Variants in RYR3 observed in about 807,000 individuals in gnomAD.
RYR3 encodes ryanodine receptor 3, also known as brain ryanodine receptor-calcium release channel.
A neutral mutation model predicts 584.3 loss-of-function variants in RYR3; 207 were observed. The ratio of observed to expected loss-of-function variants is 0.35; its 90% CI spans 0.32 to 0.40. RYR3 has a LOEUF of 0.40. Ranked by LOEUF, RYR3 falls within the 10% of genes least tolerant of loss-of-function variation. RYR3 has a pLI of 1.00. For missense variants in RYR3, 5,616 were observed against 6,089.2 expected (o/e 0.92, Z 2.59); for synonymous variants, 2,416 against 2,248.5 (o/e 1.07, Z -2.11).
At chr15:33,754,658 TTTCTGGACCAG>T (rs1346768649) in intron 57 of RYR3, among the ~76,000 whole-genome samples, 1 of 152,232 alleles carries the variant, frequency 6.6e-6, no homozygotes, top group African/African-American at 2.4e-5. Context: ...GTGGCCGGCC[TTTCTGGACCAG>T]TTCTGGACCA....
chr15:33,453,109 A>G (rs1049535984), intron 1 of RYR3, among the ~76,000 whole-genome samples: 16 of 152,342 alleles, frequency 1.1e-4, no homozygotes, highest in Non-Finnish European at 2.2e-4. Context: ...CCAAAGCTTC[A>G]AAATGGAATA....
At chr15:33,751,717 A>C (rs536417573) in intron 57 of RYR3, among the ~76,000 whole-genome samples, 32 of 152,244 alleles carry the variant, frequency 2.1e-4, no homozygotes, top group Admixed American at 8.5e-4. Flanking sequence ...TTTGCTATGC[A>C]GAAGCTCTTT....
intron 64 of RYR3, among the ~76,000 whole-genome samples, chr15:33,775,409 C>T (rs900126729): frequency 5.9e-5 from 9 of 152,140 alleles, no homozygotes; most frequent in African/African-American, 2.2e-4. Flanking sequence ...AGCTTCGCAT[C>T]TGAGAACCTG....
At chr15:33,704,251 G>A (rs2066515281) in intron 42 of RYR3, among the ~76,000 whole-genome samples, 1 of 149,038 alleles carries the variant, frequency 6.7e-6, no homozygotes, top group Non-Finnish European at 1.5e-5. Context: ...TCCAGCCTGG[G>A]AGCCTGGGTG....
intron 38 of RYR3, among the ~76,000 whole-genome samples, chr15:33,684,440 T>C (rs1313890512): frequency 6.9e-6 from 1 of 144,206 alleles, no homozygotes; most frequent in East Asian, 2.1e-4. Context: ...CAGAAAAGAA[T>C]AGCATCAACA....
chr15:33,425,852 C>G lies in RYR3; in HGVS notation c.52-47567C>G, dbSNP rs1025921520. Among the ~76,000 whole-genome samples, 12 of 152,118 alleles carry G rather than the reference C, an allele frequency of 7.9e-5. No homozygotes were observed. In the East Asian group the frequency reaches 9.7e-4, roughly 12 times the overall value. On this transcript the variant is annotated intron_variant, in intron 1 of 103. Transcript: ENST00000634891. Reference sequence around the variant, plus strand: ...AGAGACGGGGTTTCACCGTGTTAGCCAGGATGGTCTCAATCTCCTGACCTC... The same window carrying G: ...AGAGACGGGGTTTCACCGTGTTAGCGAGGATGGTCTCAATCTCCTGACCTC...
intron 7 of RYR3, among the ~76,000 whole-genome samples, chr15:33,542,518 A>G (rs2055903701): frequency 6.6e-6 from 1 of 152,156 alleles, no homozygotes; most frequent in South Asian, 2.1e-4. Flanking sequence ...GATACAGGAA[A>G]ATTGGAAGGA....
chr15:33,734,313 C>T (rs2069214843), intron 48 of RYR3, among the ~76,000 whole-genome samples: 1 of 152,132 alleles, frequency 6.6e-6, no homozygotes, highest in South Asian at 2.1e-4. Flanking sequence ...CACCAATTAA[C>T]CTCCAGGAAT....
chr15:33,360,763 C>T (rs1308744307), intron 1 of RYR3, among the ~76,000 whole-genome samples: 1 of 152,232 alleles, frequency 6.6e-6, no homozygotes, highest in Non-Finnish European at 1.5e-5. Flanking sequence ...ACCTGGGTGG[C>T]TTAACTCCAA....
In RYR3 at chr15:33,550,399, A is replaced by T. The variant is rs2056594825; in HGVS notation, c.972+83A>T. 3 of 1,354,988 alleles carry T rather than the reference A, an allele frequency of 2.2e-6. No homozygotes were observed. The East Asian group carries it at 7.5e-5, about 34-fold the overall frequency. The allele number at this position is 1,354,988 out of a possible 1,614,324, so 83.9% of individuals were successfully genotyped here. ...CCAGGCAGAACTATAACTGGAAAAG[A>T]AAGTAGGCTGGAACAAAGTGAAATT... On this transcript the variant is annotated intron_variant, in intron 10 of 103. Coordinates refer to ENST00000634891, the MANE Select transcript of RYR3 (RefSeq NM_001036.6).
intron 1 of RYR3, among the ~76,000 whole-genome samples, chr15:33,400,029 CT>C (rs779225169): frequency 8.5e-5 from 13 of 152,172 alleles, no homozygotes; most frequent in Non-Finnish European, 1.8e-4. Context: ...TGCCCCTCCC[CT>C]CTTCTTCTGA....
chr15:33,446,993 T>C (rs1442729310), intron 1 of RYR3, among the ~76,000 whole-genome samples: 1 of 152,228 alleles, frequency 6.6e-6, no homozygotes, highest in Non-Finnish European at 1.5e-5. Context: ...TTCTATGCCA[T>C]TGTAGAGTGC....
At chr15:33,508,890 G>T (rs976061315) in intron 3 of RYR3, among the ~76,000 whole-genome samples, 1 of 152,168 alleles carries the variant, frequency 6.6e-6, no homozygotes, top group Non-Finnish European at 1.5e-5. Flanking sequence ...TGGCACATTT[G>T]TCATATGTTA....
At chr15:33,554,242 G>A (rs539252399) in intron 10 of RYR3, among the ~76,000 whole-genome samples, 1 of 151,520 alleles carries the variant, frequency 6.6e-6, no homozygotes, top group African/African-American at 2.4e-5. Flanking sequence ...CATCAGTGTG[G>A]TCATACCTTG....
At chr15:33,515,671 A>T (rs1371825077) in intron 3 of RYR3, among the ~76,000 whole-genome samples, 1 of 152,212 alleles carries the variant, frequency 6.6e-6, no homozygotes, top group Admixed American at 6.5e-5. Flanking sequence ...GGTAACCAGG[A>T]ATGGTAAGTT....
chr15:33,707,438 G>A (rs748969990), intron 43 of RYR3, among the ~76,000 whole-genome samples: 2 of 152,126 alleles, frequency 1.3e-5, no homozygotes, highest in African/African-American at 4.8e-5. Context: ...TGGATGGATG[G>A]ATGAATGAAT....
chr15:33,705,948 A>G (rs2066678826), intron 42 of RYR3, among the ~76,000 whole-genome samples: 1 of 152,188 alleles, frequency 6.6e-6, no homozygotes, highest in Admixed American at 6.5e-5. Flanking sequence ...CTTATTTTTA[A>G]ATGACAGCTC....
At chr15:33,709,046 T>C (rs2066916064) in intron 43 of RYR3, among the ~76,000 whole-genome samples, 2 of 152,094 alleles carry the variant, frequency 1.3e-5, no homozygotes, top group African/African-American at 2.4e-5. Flanking sequence ...AAGTTTGCTT[T>C]AGGAGGAAGT....
intron 3 of RYR3, among the ~76,000 whole-genome samples, chr15:33,517,779 A>G (rs1462057311): frequency 1.3e-5 from 2 of 152,168 alleles, no homozygotes; most frequent in African/African-American, 2.4e-5. Context: ...AGGGATATAT[A>G]TTTATTACCC....
Sources: gnomAD v4.1 joint callset for allele counts (sites outside exome capture counted in the v4.1 genomes callset) on GRCh38, gnomAD v4.1.1 for gene constraint, MANE v1.5 for transcripts, NCBI Gene and HGNC (gene_info 2026-07-23, HGNC 2026-07-21) for gene names.